Variants in SRP68 observed in about 807,000 individuals in gnomAD.
SRP68 encodes the protein signal recognition particle 68.
Under a neutral mutation model 82.2 loss-of-function variants are expected in SRP68, and 15 were observed. That is an observed-to-expected ratio of 0.18 (90% CI 0.12 to 0.28). The LOEUF is 0.28. SRP68 is among the 10% of genes least tolerant of loss of function. The pLI is 1.00. For missense variants in SRP68, 595 were observed against 780.5 expected (o/e 0.76, Z 2.83); for synonymous variants, 261 against 292.6 (o/e 0.89, Z 1.10).
intron 8 of SRP68, among the ~76,000 whole-genome samples, chr17:76,054,341 T>G (rs533613444): frequency 9.2e-5 from 14 of 152,158 alleles, no homozygotes; most frequent in African/African-American, 3.4e-4. Context: ...CTGACCACAT[T>G]CCCAACCACA....
At chr17:76,061,798 A>G in intron 4 of SRP68, 1 of 293,756 alleles carries the variant, frequency 3.4e-6, no homozygotes, top group Non-Finnish European at 6.3e-6. Flanking sequence ...TGCCTCTACA[A>G]AAAAATTTAA....
rs561642918 is a variant in SRP68, at chr17:76,051,713, T to C, written c.979-1187A>G. Reference sequence around the variant, plus strand: ...ACTTATAAGTTACTTGACTTTCCTGTTGTTCACTAACTTGGGAACGAACTG... The same window carrying C: ...ACTTATAAGTTACTTGACTTTCCTGCTGTTCACTAACTTGGGAACGAACTG... On this transcript the variant is annotated intron_variant, in intron 8 of 15. Transcript: ENST00000307877. Among the ~76,000 whole-genome samples the C allele has an allele frequency of 1.2e-3, 190 of 152,348 alleles. 1 individual carries two copies. Among genetic ancestry groups the C allele is most frequent in the African/African-American group, 4.5e-3 (187 of 41,584 alleles).
In SRP68 at chr17:76,039,127, A is replaced by G. The variant is rs1467687102; in HGVS notation, c.*579T>C. The stretch of plus-strand genomic sequence containing the variant: ...GTCTCCGTCATCTTTGCCTTTTAAT[A>G]TAAGATTTGGTTTCATCATTTCTGA... On this transcript the variant is annotated 3_prime_UTR_variant, in exon 16 of 16. Coordinates refer to ENST00000307877, the MANE Select transcript of SRP68 (RefSeq NM_014230.4). 1 of 321,670 alleles carries G rather than the reference A, an allele frequency of 3.1e-6. No homozygotes were observed. The highest frequency in any genetic ancestry group is 2.2e-5 in the African/African-American group (1 of 46,404). The allele number at this position is 321,670 out of a possible 1,614,324, so 19.9% of individuals were successfully genotyped here. A position where few individuals can be genotyped will look rare whatever the true frequency, so the allele number is the denominator to read the frequency against.
chr17:76,058,145 G>GA (rs928288511), intron 7 of SRP68, among the ~76,000 whole-genome samples: 10 of 119,014 alleles, frequency 8.4e-5, no homozygotes, highest in Non-Finnish European at 8.1e-5. Context: ...GCTAATTTAA[G>GA]AAAAAAAAAA....
chr17:76,070,222 C>CA (rs386386662), intron 2 of SRP68, among the ~76,000 whole-genome samples, 156 bp downstream of exon 2: 6,015 of 95,240 alleles, frequency 0.063, 355 homozygotes, highest in Non-Finnish European at 0.089. Flanking sequence ...GACTCCATCT[C>CA]AAAAAAAAAA....
chr17:76,066,890 G>T (rs975016263), intron 3 of SRP68, among the ~76,000 whole-genome samples: 5 of 151,966 alleles, frequency 3.3e-5, no homozygotes, highest in Non-Finnish European at 7.4e-5. Flanking sequence ...ACCATGCCCG[G>T]GTAATTTTTA....
rs1438170130 is a variant in SRP68 at position 76,040,426 on chromosome 17, T to A, written c.1649A>T (p.Asp550Val). 2.5e-6 allele frequency: 4 copies of A among 1,614,116 alleles called. No homozygotes were observed. Among genetic ancestry groups the A allele is most frequent in the Non-Finnish European group, 3.4e-6 (4 of 1,179,942 alleles). ...ACCATGGCCCAGACTTACCTTATTG[T>A]CCTTGACTTGGGAGGAGGAGGTCTC... Reference protein sequence around the residue: ...QTETSSSQVKDNKPLVERFET... With the variant: ...QTETSSSQVKVNKPLVERFET... Residue 550 changes from aspartate (D) to valine (V), a missense_variant, in exon 15 of 16, where the codon GAC becomes GTC. Physicochemically the swap from Asp to Val is radical, Grantham distance 152 (BLOSUM62 -3). Coordinates refer to ENST00000307877, the MANE Select transcript of SRP68 (RefSeq NM_014230.4).
At chr17:76,043,088 A>AC (rs2066603381) in intron 13 of SRP68, among the ~76,000 whole-genome samples, 2 of 151,286 alleles carry the variant, frequency 1.3e-5, no homozygotes, top group South Asian at 2.1e-4. Context: ...ACATAGTGAG[A>AC]CCCCCATCTC....
chr17:76,054,846 A>G (rs2066701240), intron 8 of SRP68, among the ~76,000 whole-genome samples: 1 of 151,458 alleles, frequency 6.6e-6, no homozygotes, highest in Admixed American at 6.6e-5. Flanking sequence ...CCAGCAAGGG[A>G]AAAAAAAACA....
chr17:76,044,063 T>C lies in SRP68; in HGVS notation c.1395-105A>G, dbSNP rs115243365. ...AATTTCACATTTGGAAACAGGTTTC[T>C]TAACGTGGGATCACCGCATGGGAGC... On this transcript the variant is annotated intron_variant, in intron 12 of 15. Coordinates refer to ENST00000307877, the MANE Select transcript of SRP68 (RefSeq NM_014230.4). The C allele has an allele frequency of 1.4e-3, 1,908 of 1,349,214 alleles. 25 individuals carry two copies. In the African/African-American group the frequency reaches 0.026, roughly 18 times the overall value. 83.6% of individuals were successfully genotyped at this position (1,349,214 alleles called of 1,614,324 possible).
chr17:76,067,377 T>C, intron 2 of SRP68, 47 bp from the exon 3 acceptor site: 1 of 1,399,544 alleles, frequency 7.1e-7, no homozygotes, highest in Non-Finnish European at 1.0e-6. Flanking sequence ...CTGAGAGTAT[T>C]TTGAATAATA....
At chr17:76,062,489 TATATATATAATATATATATA>T (rs1567934574) in intron 4 of SRP68, among the ~76,000 whole-genome samples, 12 of 105,438 alleles carry the variant, frequency 1.1e-4, no homozygotes, top group South Asian at 2.5e-4. Flanking sequence ...TATGGAGATA[TATATATATAATATATATATA>T]ATATACATTA....
rs777298398 is a variant in SRP68, at chr17:76,040,879, A to T, written c.1600+24T>A. ...GTGGCAGGAAGGGAAGTCTGGGGATACAAAGGCCAGGCAGGGGGCTCACCA... is the reference window on the plus strand; with the variant it reads ...GTGGCAGGAAGGGAAGTCTGGGGATTCAAAGGCCAGGCAGGGGGCTCACCA... On this transcript the variant is annotated intron_variant, in intron 14 of 15. Transcript: ENST00000307877. 1.9e-6 allele frequency: 3 copies of T among 1,612,218 alleles called. No homozygotes were observed. In the African/African-American group the frequency reaches 4.0e-5, roughly 22 times the overall value.
chr17:76,046,559 T>C (rs752506907), intron 10 of SRP68, among the ~76,000 whole-genome samples: 1 of 150,752 alleles, frequency 6.6e-6, no homozygotes, highest in Non-Finnish European at 1.5e-5. Context: ...AAGGCAGCAG[T>C]GAGCTACGAT....
At chr17:76,055,257 G>A (rs1026222648) in intron 8 of SRP68, among the ~76,000 whole-genome samples, 2 of 151,744 alleles carry the variant, frequency 1.3e-5, no homozygotes, top group Admixed American at 6.6e-5. Flanking sequence ...GTGAGCCACC[G>A]CACCCGGCCT....
rs371489316 is a variant in SRP68 at position 76,070,318 on chromosome 17, A to G, written c.251+60T>C. The stretch of plus-strand genomic sequence containing the variant: ...GCTGATATAGCAGAGTAAACAGGAT[A>G]TTAACAAAAGCAAAGCAAGTCCCAC... On this transcript the variant is annotated intron_variant, in intron 2 of 15. Coordinates refer to ENST00000307877, the MANE Select transcript of SRP68 (RefSeq NM_014230.4). 2.0e-5 allele frequency: 28 copies of G among 1,381,984 alleles called. No individual in the cohort carries two copies. The African/African-American group carries it at 3.5e-4, about 17-fold the overall frequency. 85.6% of individuals were successfully genotyped at this position (1,381,984 alleles called of 1,614,324 possible). A position where few individuals can be genotyped will look rare whatever the true frequency, so the allele number is the denominator to read the frequency against.
intron 4 of SRP68, among the ~76,000 whole-genome samples, chr17:76,062,833 C>T (rs772168891): frequency 7.3e-6 from 1 of 136,604 alleles, no homozygotes; most frequent in Non-Finnish European, 1.5e-5. Flanking sequence ...CGCAGTGGCA[C>T]AATCTCAGCT....
Position 76,061,208 on chromosome 17 carries a change from T to C in SRP68, c.656A>G (p.Glu219Gly), listed in dbSNP as rs377303615. ...EAFNKCKTIY[E>G]KLASAFTEEQ... ...CTCTGTGAAAGCACTGGCTAGCTTC[T>C]CATAGATAGTTCTGCGAGAAAAGAA... The change falls in exon 6 of 16, where the codon GAG becomes GGG. Residue 219 changes from glutamate (E) to glycine (G), a missense_variant. Glu to Gly is a moderately conservative substitution (Grantham distance 98). This residue lies in a region of SRP68 where 495 missense variants were observed against 688.6 expected (regional missense o/e 0.72). Coordinates refer to ENST00000307877, the MANE Select transcript of SRP68 (RefSeq NM_014230.4). The C allele has an allele frequency of 1.1e-5, 18 of 1,610,480 alleles. No individual in the cohort carries two copies. In the African/African-American group the frequency reaches 2.3e-4, roughly 20 times the overall value.
In SRP68 at chr17:76,071,196, C is replaced by T. The variant is rs1415558974; in HGVS notation, c.185-752G>A. On this transcript the variant is annotated intron_variant, in intron 1 of 15. Transcript: ENST00000307877. This position sits in a 1 kb window ranked among gnomAD's most constrained non-coding sequence, Gnocchi z 4.7. ...CATTTGCATAATCTCCAACACCTGC[C>T]AAATCTAACTTTCCTTAACAGCTGT... is the stretch of plus-strand genomic sequence containing the variant. Among the ~76,000 whole-genome samples, 4 of 152,164 alleles carry T rather than the reference C, an allele frequency of 2.6e-5. No homozygotes were observed. Among genetic ancestry groups the T allele is most frequent in the Admixed American group, 1.3e-4 (2 of 15,274 alleles).
Sources: gnomAD v4.1 joint callset for allele counts (sites outside exome capture counted in the v4.1 genomes callset) on GRCh38, gnomAD v4.1.1 for gene constraint, gnomAD v4.1.1 regional missense constraint, Gnocchi (gnomAD v3.1) non-coding constraint, MANE v1.5 for transcripts, NCBI Gene and HGNC (gene_info 2026-07-23, HGNC 2026-07-21) for gene names.